SYT17: variants seen among roughly 807,000 people sequenced by gnomAD.
The protein encoded by SYT17 is synaptotagmin 17, also known as synaptotagmin-17.
A neutral mutation model predicts 46.7 loss-of-function variants in SYT17; 22 were observed. The ratio of observed to expected loss-of-function variants is 0.47; its 90% confidence interval spans 0.34 to 0.67. The LOEUF is 0.67. Ranked by LOEUF, SYT17 falls within the 30% of genes least tolerant of loss-of-function variation. The probability of loss-of-function intolerance (pLI) is 0.01; values close to 1 mark genes in which losing one functional copy is unlikely to be tolerated. For synonymous variants in SYT17, 251 were observed against 248.4 expected, an observed-to-expected ratio of 1.01 and a Z score of -0.10; for missense variants, 519 against 612.8, an observed-to-expected ratio of 0.85 and a Z score of 1.62.
intron 7 of SYT17, among the ~76,000 whole-genome samples, chr16:19,248,289 AG>A (rs564095052): frequency 1.2e-3 from 179 of 152,374 alleles, no homozygotes; most frequent in African/African-American, 4.1e-3. Flanking sequence ...AAGATGCTAC[AG>A]CCACTTTGGA....
chr16:19,194,136 T>C (rs1287641670), intron 5 of SYT17, among the ~76,000 whole-genome samples: 1 of 152,174 alleles, frequency 6.6e-6, no homozygotes, highest in Non-Finnish European at 1.5e-5. Flanking sequence ...ATAAGAACAT[T>C]GGCTAAGCGG....
chr16:19,249,775 C>T (rs531663515), intron 7 of SYT17, among the ~76,000 whole-genome samples: 2 of 152,228 alleles, frequency 1.3e-5, no homozygotes, highest in Non-Finnish European at 2.9e-5. Flanking sequence ...AGGTTTCAGA[C>T]TCTTTGGTTC....
At chr16:19,210,872 AC>A (rs1450644628) in intron 5 of SYT17, among the ~76,000 whole-genome samples, 1 of 152,208 alleles carries the variant, frequency 6.6e-6, no homozygotes, top group Non-Finnish European at 1.5e-5. Flanking sequence ...GAGCGAAAGG[AC>A]CATAGAGAAG....
At chr16:19,265,724 G>C (rs1253280361) in intron 7 of SYT17, among the ~76,000 whole-genome samples, 1 of 152,220 alleles carries the variant, frequency 6.6e-6, no homozygotes, top group Non-Finnish European at 1.5e-5. Context: ...TAGTGAGATG[G>C]CATGCCTGGA....
intron 3 of SYT17, among the ~76,000 whole-genome samples, chr16:19,175,576 G>GGAAAGTC (rs2142522393): frequency 6.7e-6 from 1 of 148,566 alleles, no homozygotes; most frequent in East Asian, 2.0e-4. Flanking sequence ...GTTTGAGCCT[G>GGAAAGTC]GAAAGTCAGG....
chr16:19,193,709 A>T (rs917207662), intron 5 of SYT17, among the ~76,000 whole-genome samples: 2 of 152,222 alleles, frequency 1.3e-5, no homozygotes, highest in African/African-American at 4.8e-5. Context: ...AGACCAATAA[A>T]GTGTCTCACC....
At chr16:19,238,726 A>G (rs895463449) in intron 7 of SYT17, among the ~76,000 whole-genome samples, 1 of 151,938 alleles carries the variant, frequency 6.6e-6, no homozygotes. Flanking sequence ...CCAACCACAT[A>G]TGTGCCTGCA....
chr16:19,266,105 A>G (rs1969336022), intron 7 of SYT17, among the ~76,000 whole-genome samples: 1 of 152,230 alleles, frequency 6.6e-6, no homozygotes, highest in Non-Finnish European at 1.5e-5. Context: ...GAGAAGCACT[A>G]CTAAAATTCC....
intron 7 of SYT17, among the ~76,000 whole-genome samples, chr16:19,245,157 G>C (rs12102690): frequency 6.6e-6 from 1 of 152,170 alleles, no homozygotes; most frequent in Non-Finnish European, 1.5e-5. Context: ...TGGAGAGCCC[G>C]GGTCACCTGC....
At position 19,247,420 on chromosome 16, in the gene SYT17, C is replaced by T. The variant is rs564108983; in HGVS notation, c.1229-19460C>T. 4.6e-5 allele frequency among the ~76,000 whole-genome samples: 7 copies of T among 152,270 alleles called. No individual in the cohort carries two copies. The East Asian group carries it at 7.7e-4, about 17-fold the overall frequency. ...CATGTTGGTCAATTTTGATAGATAT[C>T]GTCAAATTTGCAATTTTTAAAAAAA... On this transcript the variant is annotated intron_variant, in intron 7 of 7. Coordinates refer to ENST00000355377, the MANE Select transcript of SYT17 (RefSeq NM_016524.4).
chr16:19,231,946 A>G (rs773204367), intron 7 of SYT17, among the ~76,000 whole-genome samples: 20 of 152,174 alleles, frequency 1.3e-4, no homozygotes, highest in Non-Finnish European at 2.9e-4. Context: ...CACATTTCAG[A>G]GTGTCTGACC....
rs896542538 is a variant in SYT17, at chr16:19,183,406, G to C, written c.332-122G>C. 2 of 1,357,860 alleles carry C rather than the reference G, an allele frequency of 1.5e-6. No homozygotes were observed. Among genetic ancestry groups the C allele is most frequent in the East Asian group, 2.3e-5 (1 of 43,448 alleles). 84.1% of individuals were successfully genotyped at this position (1,357,860 alleles called of 1,614,324 possible). A position where few individuals can be genotyped will look rare whatever the true frequency, so the allele number is the denominator to read the frequency against. On this transcript the variant is annotated intron_variant, in intron 4 of 7. Coordinates refer to ENST00000355377, the MANE Select transcript of SYT17 (RefSeq NM_016524.4). This position sits in a 1 kb window ranked among gnomAD's most constrained non-coding sequence, Gnocchi z 5.6. ...GAATCAGTGAGTATTTCAGAGTGTG[G>C]AGAAAGATGGCAAAGGTCATTCTGA...
intron 5 of SYT17, among the ~76,000 whole-genome samples, chr16:19,192,380 C>CACTGAGCCAAG (rs1421544289): frequency 4.0e-5 from 6 of 151,872 alleles, no homozygotes; most frequent in Non-Finnish European, 8.8e-5. Context: ...AAGATCGCAC[C>CACTGAGCCAAG]ACTGCACTCC....
chr16:19,185,839 A>C (rs901911815), intron 5 of SYT17, among the ~76,000 whole-genome samples: 1 of 152,188 alleles, frequency 6.6e-6, no homozygotes, highest in Non-Finnish European at 1.5e-5. Flanking sequence ...GACGTCTTCT[A>C]TTGTGAACCC....
chr16:19,242,630 A>T (rs1967215790), intron 7 of SYT17, among the ~76,000 whole-genome samples: 1 of 152,118 alleles, frequency 6.6e-6, no homozygotes. Context: ...GGCTCAAGTG[A>T]TCCTCTCACC....
intron 7 of SYT17, among the ~76,000 whole-genome samples, chr16:19,264,105 C>T (rs1969192737): frequency 6.6e-6 from 1 of 152,170 alleles, no homozygotes; most frequent in Admixed American, 6.5e-5. Flanking sequence ...GAGAAGATAC[C>T]ACCTATGAGG....
At chr16:19,226,713 G>A (rs959788135) in intron 7 of SYT17, among the ~76,000 whole-genome samples, 1 of 152,174 alleles carries the variant, frequency 6.6e-6, no homozygotes, top group East Asian at 1.9e-4. Flanking sequence ...GGACAGGCAG[G>A]TAGTGGGGCC....
chr16:19,225,068 A>G (rs751935677), intron 7 of SYT17, among the ~76,000 whole-genome samples: 45 of 152,206 alleles, frequency 3.0e-4, no homozygotes, highest in Non-Finnish European at 5.6e-4. Context: ...ACTGCCACAT[A>G]ATAACTGAGG....
At position 19,204,952 on chromosome 16, in the gene SYT17, G is replaced by A. The variant is rs137998546; in HGVS notation, c.952-18093G>A. Among the ~76,000 whole-genome samples the A allele has an allele frequency of 1.2e-3, 178 of 152,134 alleles. 1 individual carries two copies. The highest frequency in any genetic ancestry group is 4.1e-3 in the African/African-American group (170 of 41,484). ...TTTATCCCCAAACCCAGGAGCCATA[G>A]CCTACACTCATCAGCAAATCAGGCC... is the stretch of plus-strand genomic sequence containing the variant. On this transcript the variant is annotated intron_variant, in intron 5 of 7. Transcript: ENST00000355377.
Sources: allele counts gnomAD v4.1 joint callset (sites outside exome capture counted in the v4.1 genomes callset), GRCh38; gene constraint gnomAD v4.1.1; non-coding constraint Gnocchi (gnomAD v3.1); transcripts MANE v1.5; gene names NCBI Gene and HGNC (gene_info 2026-07-23, HGNC 2026-07-21).